DPP10: variants seen among roughly 807,000 people sequenced by gnomAD.
DPP10 encodes the protein dipeptidyl peptidase like 10.
DPP10 carries 33 observed loss-of-function variants against 120.9 expected under a neutral mutation model. The ratio of observed to expected loss-of-function variants is 0.27; its 90% CI spans 0.21 to 0.37. The LOEUF (loss-of-function observed/expected upper bound fraction) is 0.37, where lower values mean the gene tolerates loss of function less well. DPP10 is among the 10% of genes least tolerant of loss of function. The probability of loss-of-function intolerance (pLI) is 1.00; values close to 1 mark genes in which losing one functional copy is unlikely to be tolerated. For missense variants in DPP10, 816 were observed against 942.8 expected (o/e 0.87, Z 1.76); for synonymous variants, 337 against 326.1 (o/e 1.03, Z -0.36).
At chr2:114,994,466 C>T (rs1308158195) in intron 1 of DPP10, among the ~76,000 whole-genome samples, 5 of 152,050 alleles carry the variant, frequency 3.3e-5, no homozygotes, top group Non-Finnish European at 7.4e-5. Context: ...TGTGCTCATC[C>T]ATTCTTCCCT....
chr2:114,862,831 C>G (rs575155303), intron 1 of DPP10, among the ~76,000 whole-genome samples: 1 of 147,988 alleles, frequency 6.8e-6, no homozygotes, highest in East Asian at 2.0e-4. Context: ...ACAAATTTCT[C>G]ATTTCACTAG....
At chr2:115,695,692 A>G (rs1236915982) in intron 7 of DPP10, among the ~76,000 whole-genome samples, 1 of 152,216 alleles carries the variant, frequency 6.6e-6, no homozygotes, top group Admixed American at 6.5e-5. Context: ...GCCAGATTAT[A>G]TCAGGGGAGA....
chr2:114,857,263 G>C (rs1323352188), intron 1 of DPP10, among the ~76,000 whole-genome samples: 1 of 152,154 alleles, frequency 6.6e-6, no homozygotes. Flanking sequence ...CTTTACTGTA[G>C]TATAGAAAAA....
At chr2:114,794,716 G>C (rs1185510469) in intron 1 of DPP10, among the ~76,000 whole-genome samples, 1 of 152,196 alleles carries the variant, frequency 6.6e-6, no homozygotes, top group African/African-American at 2.4e-5. Flanking sequence ...TATGCCATTG[G>C]TTGAGAAATG....
intron 4 of DPP10, among the ~76,000 whole-genome samples, chr2:115,515,794 G>A (rs1230751339): frequency 6.6e-6 from 1 of 151,922 alleles, no homozygotes; most frequent in African/African-American, 2.4e-5. Flanking sequence ...ATAAACACCT[G>A]TTTAATAAAA....
At position 115,032,773 on chromosome 2, in the gene DPP10, T is replaced by C. The variant is rs1477086282; in HGVS notation, c.61-276466T>C. Among the ~76,000 whole-genome samples, 3 of 151,162 alleles carry C rather than the reference T, an allele frequency of 2.0e-5. 1 individual carries two copies. The East Asian group carries it at 5.9e-4, about 30-fold the overall frequency. On this transcript the variant is annotated intron_variant, in intron 1 of 25. Transcript: ENST00000410059. ...AGTGGCAGGCGCCTGTAATCCCAGCTACTCGGGAGGCTGAGGCAGGAGGAT... is the reference window on the plus strand; with the variant it reads ...AGTGGCAGGCGCCTGTAATCCCAGCCACTCGGGAGGCTGAGGCAGGAGGAT...
intron 1 of DPP10, among the ~76,000 whole-genome samples, chr2:115,007,911 C>T (rs1378615837): frequency 6.6e-6 from 1 of 152,032 alleles, no homozygotes; most frequent in Non-Finnish European, 1.5e-5. Flanking sequence ...GAAACCGCTG[C>T]TCAAGGAAAT....
intron 1 of DPP10, among the ~76,000 whole-genome samples, chr2:114,513,519 C>A (rs1684333995): frequency 1.1e-5 from 1 of 87,688 alleles, no homozygotes; most frequent in Admixed American, 1.3e-4. Flanking sequence ...GAAACTCTAC[C>A]TCAAAAAAAA....
chr2:114,700,824 G>A (rs996236097), intron 1 of DPP10, among the ~76,000 whole-genome samples: 3 of 151,934 alleles, frequency 2.0e-5, no homozygotes, highest in African/African-American at 7.2e-5. Flanking sequence ...CTTTTTGTTT[G>A]CCTGTCCTAC....
At chr2:114,626,668 T>A (rs1430854147) in intron 1 of DPP10, among the ~76,000 whole-genome samples, 1 of 152,064 alleles carries the variant, frequency 6.6e-6, no homozygotes, top group East Asian at 1.9e-4. Context: ...CAAGGGACAG[T>A]AGCAATGTGA....
At chr2:115,455,171 T>G (rs1331679121) in intron 3 of DPP10, among the ~76,000 whole-genome samples, 1 of 151,918 alleles carries the variant, frequency 6.6e-6, no homozygotes, top group Non-Finnish European at 1.5e-5. Flanking sequence ...TCTATATAAA[T>G]GGAGAGACAT....
intron 1 of DPP10, among the ~76,000 whole-genome samples, chr2:114,826,671 C>T (rs935404056): frequency 1.1e-4 from 16 of 152,226 alleles, no homozygotes; most frequent in African/African-American, 3.9e-4. Context: ...GCTGGGATTA[C>T]AGGAGCATAA....
At chr2:114,632,406 AT>A (rs1218569269) in intron 1 of DPP10, among the ~76,000 whole-genome samples, 2 of 148,970 alleles carry the variant, frequency 1.3e-5, no homozygotes, top group African/African-American at 5.0e-5. Context: ...CTATATATAT[AT>A]ATTTGTATTT....
At chr2:114,474,069 C>A (rs1214873276) in intron 1 of DPP10, among the ~76,000 whole-genome samples, 2 of 152,022 alleles carry the variant, frequency 1.3e-5, no homozygotes, top group African/African-American at 4.8e-5. Context: ...GCTATTCTCC[C>A]GCCTCAGCCT....
chr2:114,476,094 C>A (rs1402357131), intron 1 of DPP10, among the ~76,000 whole-genome samples: 4 of 152,154 alleles, frequency 2.6e-5, no homozygotes, highest in Admixed American at 1.3e-4. Context: ...TGATATAAGA[C>A]ATAGTACCAC....
chr2:115,308,611 A>C (rs2061453411), intron 1 of DPP10, among the ~76,000 whole-genome samples: 1 of 151,806 alleles, frequency 6.6e-6, no homozygotes, highest in Admixed American at 6.6e-5. Context: ...ACCTTTTTCC[A>C]ATATCATGCA....
intron 5 of DPP10, among the ~76,000 whole-genome samples, chr2:115,666,735 T>C (rs542777758): frequency 7.9e-5 from 12 of 152,282 alleles, no homozygotes; most frequent in African/African-American, 2.9e-4. Context: ...TCCTCTGTCT[T>C]TATGGTTGAA....
intron 4 of DPP10, among the ~76,000 whole-genome samples, chr2:115,519,823 C>T (rs2077699960): frequency 6.6e-6 from 1 of 152,100 alleles, no homozygotes; most frequent in Non-Finnish European, 1.5e-5. Flanking sequence ...TTCTAAAATC[C>T]TTCCTCATGC....
At chr2:114,464,982 A>G (rs926462436) in intron 1 of DPP10, among the ~76,000 whole-genome samples, 2 of 152,194 alleles carry the variant, frequency 1.3e-5, no homozygotes, top group Non-Finnish European at 2.9e-5. Context: ...TAAAATGACC[A>G]CTGTGTCTGT....
Sources: gnomAD v4.1 joint callset for allele counts (sites outside exome capture counted in the v4.1 genomes callset) on GRCh38, gnomAD v4.1.1 for gene constraint, MANE v1.5 for transcripts, NCBI Gene and HGNC (gene_info 2026-07-23, HGNC 2026-07-21) for gene names.